The following ANKS1B variants were observed in gnomAD, a reference collection of about 807,000 sequenced individuals.
ANKS1B encodes ankyrin repeat and sterile alpha motif domain-containing protein 1B.
ANKS1B carries 36 observed loss-of-function variants against 148.3 expected under a neutral mutation model. The observed-to-expected ratio is 0.24, with a 90% CI of 0.19 to 0.32. The LOEUF (loss-of-function observed/expected upper bound fraction) is 0.32, where lower values mean the gene tolerates loss of function less well. Among genes scored for constraint, ANKS1B ranks in the 10% least tolerant of loss-of-function variants. The pLI is 1.00. For synonymous variants in ANKS1B, 542 were observed against 560.8 expected (o/e 0.97, Z 0.47); for missense variants, 1,157 against 1,542.6 (o/e 0.75, Z 4.19).
intron 1 of ANKS1B, among the ~76,000 whole-genome samples, chr12:99,950,744 C>A (rs910442183): frequency 6.6e-6 from 1 of 151,908 alleles, no homozygotes; most frequent in African/African-American, 2.4e-5. Flanking sequence ...CCCCCAATAA[C>A]CCTCCATCCT....
intron 1 of ANKS1B, among the ~76,000 whole-genome samples, chr12:99,974,516 C>T (rs779326719): frequency 3.9e-5 from 6 of 152,206 alleles, no homozygotes; most frequent in Non-Finnish European, 8.8e-5. Flanking sequence ...TTTTCTATCA[C>T]CAGCCATATA....
chr12:99,626,551 C>T (rs143197086), intron 9 of ANKS1B, among the ~76,000 whole-genome samples: 1 of 152,284 alleles, frequency 6.6e-6, no homozygotes, highest in African/African-American at 2.4e-5. Flanking sequence ...GTTCTTTCCT[C>T]TCCATCTTTA....
intron 12 of ANKS1B, among the ~76,000 whole-genome samples, chr12:99,265,481 C>T (rs1005576482): frequency 6.6e-6 from 1 of 152,302 alleles, no homozygotes; most frequent in Admixed American, 6.5e-5. Flanking sequence ...TCTGTTTTAG[C>T]AGATCCTCCA....
intron 1 of ANKS1B, among the ~76,000 whole-genome samples, chr12:99,963,093 G>A (rs530027685): frequency 2.6e-5 from 4 of 152,318 alleles, no homozygotes; most frequent in Admixed American, 6.5e-5. Context: ...GATTACAGGC[G>A]TGAGCCACTG....
chr12:99,149,921 C>T (rs1470063434), intron 15 of ANKS1B, among the ~76,000 whole-genome samples: 2 of 152,082 alleles, frequency 1.3e-5, no homozygotes, highest in East Asian at 3.9e-4. Context: ...AGTGTGTGTG[C>T]ACCCATGTGT....
chr12:99,420,818 G>A (rs1048993986), intron 11 of ANKS1B, among the ~76,000 whole-genome samples: 4 of 152,094 alleles, frequency 2.6e-5, no homozygotes, highest in Non-Finnish European at 5.9e-5. Context: ...TTCTGAAATA[G>A]TCTCTAATTC....
intron 10 of ANKS1B, among the ~76,000 whole-genome samples, chr12:99,491,014 A>G (rs568301313): frequency 2.4e-4 from 36 of 152,334 alleles, no homozygotes; most frequent in African/African-American, 7.9e-4. Context: ...TTACTGAGTG[A>G]TTCCATGAAG....
rs751905985 is a variant in ANKS1B at position 98,751,459 on chromosome 12, G to T, written c.3643C>A (p.Leu1215Ile). 1.2e-6 allele frequency: 2 copies of T among 1,613,886 alleles called. No individual in the cohort carries two copies. The highest frequency in any genetic ancestry group is 3.3e-5 in the Admixed American group (2 of 60,004). Residue 1215 changes from leucine (L) to isoleucine (I), a missense_variant, in exon 26 of 27, where the codon CTA (leucine) becomes ATA (isoleucine). Coordinates refer to ENST00000683438, the MANE Select transcript of ANKS1B (RefSeq NM_001352186.2). This position sits in a 1 kb window ranked among gnomAD's most constrained non-coding sequence, Gnocchi z 4.3. ...GAGTGTCCCCCTTTTCTTGCTTGTA[G>T]TGCTAGCTGGTAAGCGACTTCGAAT... ...QAFEVAYQLA[L>I]QARKGGHSST... is the part of the protein sequence containing the mutation.
chr12:99,843,035 C>T (rs1158644779), intron 1 of ANKS1B, among the ~76,000 whole-genome samples: 1 of 152,018 alleles, frequency 6.6e-6, no homozygotes, highest in Non-Finnish European at 1.5e-5. Context: ...TGTTTTGTTG[C>T]TGTAGTTTCT....
rs148456329 is a variant in ANKS1B, at chr12:99,510,036, T to A, written c.1273-5395A>T. Among the ~76,000 whole-genome samples the A allele has an allele frequency of 4.4e-4, 67 of 152,134 alleles. 1 individual carries two copies. In the South Asian group the frequency reaches 0.013, roughly 29 times the overall value. ...ACAGCATGTCTGTTGGCAGCATGTC[T>A]GTTTACAGCATAATTTACTGAATAT... is the stretch of plus-strand genomic sequence containing the variant. On this transcript the variant is annotated intron_variant, in intron 9 of 26. Coordinates refer to ENST00000683438, the MANE Select transcript of ANKS1B (RefSeq NM_001352186.2).
chr12:99,167,133 T>C (rs976915906), intron 14 of ANKS1B, among the ~76,000 whole-genome samples: 2 of 151,982 alleles, frequency 1.3e-5, no homozygotes, highest in Admixed American at 6.6e-5. Flanking sequence ...GGCCTACCCA[T>C]ACAATCTAAA....
At chr12:99,208,194 A>G (rs1358827803) in intron 14 of ANKS1B, among the ~76,000 whole-genome samples, 3 of 152,072 alleles carry the variant, frequency 2.0e-5, no homozygotes. Flanking sequence ...GTCTTTGATG[A>G]CTGAGAAAAC....
At chr12:99,012,044 C>T (rs372860156) in intron 17 of ANKS1B, among the ~76,000 whole-genome samples, 26 of 152,182 alleles carry the variant, frequency 1.7e-4, no homozygotes, top group African/African-American at 4.3e-4. Context: ...GTTTCAGGTA[C>T]GTGCATGTCT....
chr12:99,112,921 G>A (rs1473516562), intron 15 of ANKS1B, among the ~76,000 whole-genome samples: 1 of 152,116 alleles, frequency 6.6e-6, no homozygotes, highest in East Asian at 1.9e-4. Flanking sequence ...CAGATAATGG[G>A]TTACAAAGAT....
At chr12:98,957,792 A>ACT in intron 17 of ANKS1B, among the ~76,000 whole-genome samples, 1 of 152,170 alleles carries the variant, frequency 6.6e-6, no homozygotes, top group Non-Finnish European at 1.5e-5. Flanking sequence ...CTTGTGGGGG[A>ACT]CTGATAAAGA....
chr12:98,914,530 G>A (rs2099791425), intron 17 of ANKS1B, among the ~76,000 whole-genome samples: 1 of 152,034 alleles, frequency 6.6e-6, no homozygotes, highest in African/African-American at 2.4e-5. Context: ...TGGTCTCTAG[G>A]AGCCTTGATA....
At chr12:98,892,263 TAG>T (rs2099754263) in intron 17 of ANKS1B, among the ~76,000 whole-genome samples, 2 of 152,238 alleles carry the variant, frequency 1.3e-5, no homozygotes, top group African/African-American at 4.8e-5. Flanking sequence ...GCCTTTCATT[TAG>T]AGAAAGGATA....
intron 16 of ANKS1B, among the ~76,000 whole-genome samples, chr12:99,083,388 C>T (rs2050520496): frequency 6.6e-6 from 1 of 152,006 alleles, no homozygotes; most frequent in Admixed American, 6.6e-5. Context: ...CCAACTTCAA[C>T]TTTCCCTCCT....
At chr12:99,467,124 G>C (rs1453087606) in intron 10 of ANKS1B, among the ~76,000 whole-genome samples, 10 of 152,168 alleles carry the variant, frequency 6.6e-5, no homozygotes, top group Non-Finnish European at 1.5e-5. Context: ...GGGATGCAAG[G>C]CTGGTTCAAT....
Sources: allele counts gnomAD v4.1 joint callset (sites outside exome capture counted in the v4.1 genomes callset), GRCh38; gene constraint gnomAD v4.1.1; non-coding constraint Gnocchi (gnomAD v3.1); transcripts MANE v1.5; gene names NCBI Gene and HGNC (gene_info 2026-07-23, HGNC 2026-07-21).